The following NUDT3 variants were observed in gnomAD, a reference collection of about 807,000 sequenced individuals.
The protein encoded by NUDT3 is nudix hydrolase 3.
A neutral mutation model predicts 23.6 loss-of-function variants in NUDT3; 9 were observed. The ratio of observed to expected loss-of-function variants is 0.38; its 90% CI spans 0.23 to 0.66. NUDT3 has a LOEUF of 0.66. Among genes scored for constraint, NUDT3 ranks in the 30% least tolerant of loss-of-function variants. The pLI, the probability that NUDT3 is intolerant of heterozygous loss-of-function variation, is 0.52. For synonymous variants in NUDT3, 86 were observed against 82.6 expected, an observed-to-expected ratio of 1.04 and a Z score of -0.22; for missense variants, 172 against 218.5, an observed-to-expected ratio of 0.79 and a Z score of 1.34.
chr6:34,334,366 C>T (rs1390151519), intron 2 of NUDT3, among the ~76,000 whole-genome samples: 2 of 152,118 alleles, frequency 1.3e-5, no homozygotes, highest in Non-Finnish European at 2.9e-5. Context: ...GGACCAGGGG[C>T]GGTGGCTCAC....
chr6:34,299,881 T>TG (rs1433317533), intron 2 of NUDT3, among the ~76,000 whole-genome samples: 1 of 150,428 alleles, frequency 6.6e-6, no homozygotes, highest in Non-Finnish European at 1.5e-5. Flanking sequence ...CCAGCCTGGG[T>TG]GACACAGTGA....
chr6:34,372,778 T>A (rs1375902337), intron 1 of NUDT3, among the ~76,000 whole-genome samples: 5 of 151,976 alleles, frequency 3.3e-5, no homozygotes, highest in African/African-American at 9.7e-5. Flanking sequence ...CACTCCAGCC[T>A]GGGCAACAAG....
chr6:34,379,587 T>C (rs1030470806), intron 1 of NUDT3, among the ~76,000 whole-genome samples: 1 of 151,932 alleles, frequency 6.6e-6, no homozygotes, highest in African/African-American at 2.4e-5. Context: ...CACAGAAGTT[T>C]TTTTGTACAG....
At chr6:34,299,210 G>C (rs1390575718) in intron 2 of NUDT3, among the ~76,000 whole-genome samples, 4 of 152,164 alleles carry the variant, frequency 2.6e-5, no homozygotes, top group Non-Finnish European at 5.9e-5. Flanking sequence ...GGATAAGATT[G>C]AATTCAAGGG....
At chr6:34,290,619 G>A (rs1763407268) in intron 4 of NUDT3, among the ~76,000 whole-genome samples, 1 of 150,988 alleles carries the variant, frequency 6.6e-6, no homozygotes, top group South Asian at 2.1e-4. Context: ...TTGAACCCAG[G>A]AGGTTGAGGC....
intron 2 of NUDT3, among the ~76,000 whole-genome samples, chr6:34,314,571 A>G (rs1325916400): frequency 6.6e-6 from 1 of 151,862 alleles, no homozygotes; most frequent in Non-Finnish European, 1.5e-5. Context: ...AAAAAAAAAA[A>G]AAAATTAAAC....
At chr6:34,289,166 A>G (rs1763379863) in intron 4 of NUDT3, among the ~76,000 whole-genome samples, 1 of 152,224 alleles carries the variant, frequency 6.6e-6, no homozygotes, top group South Asian at 2.1e-4. Context: ...TGCCCTCCAG[A>G]GAGAACTACG....
intron 1 of NUDT3, among the ~76,000 whole-genome samples, chr6:34,367,650 T>C (rs1764758798): frequency 6.6e-6 from 1 of 152,174 alleles, no homozygotes; most frequent in African/African-American, 2.4e-5. Context: ...ACAAACCTAA[T>C]TTCAGAACAA....
intron 1 of NUDT3, among the ~76,000 whole-genome samples, chr6:34,344,308 T>G (rs1050473070): frequency 3.3e-5 from 5 of 151,778 alleles, no homozygotes; most frequent in Middle Eastern, 3.4e-3. Flanking sequence ...CCAATAAGAG[T>G]GAATGAATAA....
intron 3 of NUDT3, 143 bp downstream of exon 3, chr6:34,295,498 G>C: frequency 1.1e-6 from 1 of 903,510 alleles, no homozygotes; most frequent in Non-Finnish European, 1.6e-6. Flanking sequence ...TCCAGCCTGG[G>C]CGAGAGTGAG....
intron 2 of NUDT3, among the ~76,000 whole-genome samples, chr6:34,303,861 C>T (rs988828066): frequency 2.0e-5 from 3 of 152,174 alleles, no homozygotes; most frequent in Non-Finnish European, 4.4e-5. Flanking sequence ...GTATTGTCTA[C>T]GGCTGCTTTC....
intron 2 of NUDT3, among the ~76,000 whole-genome samples, chr6:34,334,977 GAA>G (rs1228280620): frequency 6.7e-6 from 1 of 150,276 alleles, no homozygotes; most frequent in Non-Finnish European, 1.5e-5. Context: ...GGGAGAGAAA[GAA>G]AGAGAGAGAA....
rs1213298690 is a variant in NUDT3, at chr6:34,287,381, A to G, written c.*1372T>C. 2.0e-5 allele frequency: 3 copies of G among 152,180 alleles called. No individual in the cohort carries two copies. Among genetic ancestry groups the G allele is most frequent in the African/African-American group, 7.2e-5 (3 of 41,438 alleles). The allele number at this position is 152,180 out of a possible 1,614,324, so 9.4% of individuals were successfully genotyped here. ...CTCTTACTTCCGAACTAAACAACACAATTGGCAAATGAAGCCAGCACGAAA... is the reference window on the plus strand; with the variant it reads ...CTCTTACTTCCGAACTAAACAACACGATTGGCAAATGAAGCCAGCACGAAA... On this transcript the variant is annotated 3_prime_UTR_variant, in exon 5 of 5. Transcript: ENST00000607016.
At chr6:34,348,336 G>A (rs1298336344) in intron 1 of NUDT3, among the ~76,000 whole-genome samples, 1 of 151,178 alleles carries the variant, frequency 6.6e-6, no homozygotes, top group Non-Finnish European at 1.5e-5. Context: ...AAAAAAAATA[G>A]CCAGGCGTGG....
Position 34,392,552 on chromosome 6 carries a change from C to T in NUDT3, c.-190G>A, listed in dbSNP as rs1212501735. The T allele has an allele frequency of 1.3e-5, 5 of 386,802 alleles. 1 individual carries two copies. The South Asian group carries it at 2.6e-4, about 20-fold the overall frequency. The allele number at this position is 386,802 out of a possible 1,614,324, so 24.0% of individuals were successfully genotyped here. On this transcript the variant is annotated 5_prime_UTR_variant, in exon 1 of 5. Transcript: ENST00000607016. Reference sequence around the variant, plus strand: ...ATTCCCCCAGGCCCAGGTCCCGCGCCGCCGCTGCCACCGTCACGGCTGCCG... The same window carrying T: ...ATTCCCCCAGGCCCAGGTCCCGCGCTGCCGCTGCCACCGTCACGGCTGCCG...
Position 34,386,149 on chromosome 6 carries a change from G to A in NUDT3, c.99+6115C>T, listed in dbSNP as rs558461395. Reference sequence around the variant, plus strand: ...TACACCAGACCCAGCAGCCTGCTGTGTAACAGCCAAGCATTCAGTGTACCA... The same window carrying A: ...TACACCAGACCCAGCAGCCTGCTGTATAACAGCCAAGCATTCAGTGTACCA... On this transcript the variant is annotated intron_variant, in intron 1 of 4. Coordinates refer to ENST00000607016, the MANE Select transcript of NUDT3 (RefSeq NM_006703.4). Among the ~76,000 whole-genome samples the A allele has an allele frequency of 3.3e-5, 5 of 152,326 alleles. No individual in the cohort carries two copies. In the South Asian group the frequency reaches 1.0e-3, roughly 32 times the overall value.
intron 1 of NUDT3, among the ~76,000 whole-genome samples, chr6:34,366,759 T>A (rs1019712154): frequency 1.3e-5 from 2 of 151,968 alleles, no homozygotes; most frequent in Non-Finnish European, 2.9e-5. Flanking sequence ...TATCAGTTAG[T>A]GAAGATGAAA....
chr6:34,283,908 C>A lies in NUDT3; in HGVS notation c.*4845G>T, dbSNP rs532965944. 1 of 152,264 alleles carries A rather than the reference C, an allele frequency of 6.6e-6. No homozygotes were observed. The highest frequency in any genetic ancestry group is 2.1e-4 in the South Asian group (1 of 4,828). 9.4% of individuals were successfully genotyped at this position (152,264 alleles called of 1,614,324 possible). On this transcript the variant is annotated 3_prime_UTR_variant, in exon 5 of 5. Coordinates refer to ENST00000607016, the MANE Select transcript of NUDT3 (RefSeq NM_006703.4). ...AAGTGACACAGAAACACAGCTCCTC[C>A]GGATGGTGAAGTCTCCGCTGCAAAA...
At chr6:34,329,187 G>A (rs920677816) in intron 2 of NUDT3, among the ~76,000 whole-genome samples, 3 of 151,882 alleles carry the variant, frequency 2.0e-5, no homozygotes, top group Non-Finnish European at 4.4e-5. Context: ...TGGTTGCTCT[G>A]TGTGTGTTGT....
Sources: gnomAD v4.1 joint callset for allele counts (sites outside exome capture counted in the v4.1 genomes callset) on GRCh38, gnomAD v4.1.1 for gene constraint, MANE v1.5 for transcripts, NCBI Gene and HGNC (gene_info 2026-07-23, HGNC 2026-07-21) for gene names.